The following RARB variants were observed in gnomAD, a reference collection of about 807,000 sequenced individuals.
RARB encodes the protein retinoic acid receptor beta, also known as HBV-activated protein.
In RARB, 17 loss-of-function variants were observed where a neutral mutation model predicts 51.9. The observed-to-expected ratio is 0.33, with a 90% CI of 0.22 to 0.49. The LOEUF (loss-of-function observed/expected upper bound fraction) is 0.49. RARB is among the 20% of genes least tolerant of loss of function. RARB has a pLI of 0.99. For missense variants in RARB, 369 were observed against 550.8 expected, an observed-to-expected ratio of 0.67 and a Z score of 3.30; for synonymous variants, 215 against 195.4, an observed-to-expected ratio of 1.10 and a Z score of -0.84.
chr3:25,164,851 A>G (rs1459975375), intron 4 of RARB, among the ~76,000 whole-genome samples: 4 of 152,174 alleles, frequency 2.6e-5, no homozygotes, highest in Non-Finnish European at 5.9e-5. Context: ...GAGTTCAGGA[A>G]TCTCAGCTGT....
chr3:25,203,253 C>G (rs555664968), intron 5 of RARB, among the ~76,000 whole-genome samples: 1 of 152,090 alleles, frequency 6.6e-6, no homozygotes, highest in South Asian at 2.1e-4. Flanking sequence ...AGGATTGCAA[C>G]CCCTGCCTTT....
chr3:25,392,947 G>A (rs2125488597), intron 5 of RARB, among the ~76,000 whole-genome samples: 1 of 152,196 alleles, frequency 6.6e-6, no homozygotes, highest in African/African-American at 2.4e-5. Context: ...TGGTGAATGT[G>A]TGCATCCTTG....
exon 5 of RARB, chr3:25,174,273 G>A (rs1700699704): frequency 2.7e-6 from 2 of 752,570 alleles, no homozygotes; most frequent in Non-Finnish European, 3.9e-6. Context: ...GAACCATCTT[G>A]ACTTTGGCCC....
intron 5 of RARB, among the ~76,000 whole-genome samples, chr3:25,375,932 C>T (rs190368281): frequency 4.9e-4 from 75 of 152,270 alleles, no homozygotes; most frequent in Admixed American, 1.2e-3. Context: ...GGTTACTGAA[C>T]CTCCCCATGG....
chr3:25,562,657 G>C (rs1700320768), intron 3 of RARB, among the ~76,000 whole-genome samples: 1 of 152,150 alleles, frequency 6.6e-6, no homozygotes, highest in Non-Finnish European at 1.5e-5. Context: ...ATTGAACTTA[G>C]GATATTTCTT....
At chr3:25,208,549 A>G (rs980258299) in intron 5 of RARB, among the ~76,000 whole-genome samples, 6 of 152,126 alleles carry the variant, frequency 3.9e-5, no homozygotes, top group African/African-American at 1.4e-4. Context: ...CATCCTAAAT[A>G]TCAGTGCCAT....
At chr3:25,470,344 T>G (rs1325920608) in intron 2 of RARB, among the ~76,000 whole-genome samples, 1 of 152,176 alleles carries the variant, frequency 6.6e-6, no homozygotes, top group Admixed American at 6.5e-5. Flanking sequence ...TAAATATTCA[T>G]TGGATGGATG....
intron 2 of RARB, among the ~76,000 whole-genome samples, chr3:24,919,756 T>C (rs1575072056): frequency 6.6e-6 from 1 of 152,222 alleles, no homozygotes; most frequent in South Asian, 2.1e-4. Context: ...ACTTCTAATT[T>C]TATTTTTCTT....
At chr3:25,344,957 T>G (rs1705344426) in intron 5 of RARB, among the ~76,000 whole-genome samples, 1 of 132,070 alleles carries the variant, frequency 7.6e-6, no homozygotes, top group Non-Finnish European at 1.6e-5. Flanking sequence ...GTTTGTAAGT[T>G]AAAGTATACA....
At chr3:24,927,297 A>C (rs1295168213) in intron 2 of RARB, among the ~76,000 whole-genome samples, 1 of 152,236 alleles carries the variant, frequency 6.6e-6, no homozygotes, top group Middle Eastern at 3.4e-3. Context: ...GAATGGCTTA[A>C]TTTGTTCTGA....
chr3:25,104,489 A>G (rs1191672696), intron 3 of RARB, among the ~76,000 whole-genome samples: 1 of 152,118 alleles, frequency 6.6e-6, no homozygotes, highest in Non-Finnish European at 1.5e-5. Context: ...CTGAAAATAT[A>G]AAAATTTAGC....
chr3:24,917,448 G>C (rs1302641364), intron 2 of RARB, among the ~76,000 whole-genome samples: 1 of 152,202 alleles, frequency 6.6e-6, no homozygotes, highest in Non-Finnish European at 1.5e-5. Flanking sequence ...GCACAACTCA[G>C]TGATGGACAA....
chr3:25,320,942 G>A (rs189695520), intron 5 of RARB, among the ~76,000 whole-genome samples: 12 of 152,238 alleles, frequency 7.9e-5, no homozygotes, highest in Non-Finnish European at 1.0e-4. Flanking sequence ...AAATTCTGAG[G>A]TATCCACCCA....
chr3:25,444,424 G>A (rs754652535), intron 1 of RARB, among the ~76,000 whole-genome samples: 6 of 152,124 alleles, frequency 3.9e-5, no homozygotes, highest in Non-Finnish European at 8.8e-5. Context: ...TAACAAAATG[G>A]GCAGTTCTTC....
At chr3:24,839,537 A>G (rs1218707025) in intron 1 of RARB, among the ~76,000 whole-genome samples, 1 of 41,744 alleles carries the variant, frequency 2.4e-5, no homozygotes, top group African/African-American at 2.0e-4. Flanking sequence ...CTGTCTCTGA[A>G]AAAAAAAAAA....
intron 5 of RARB, among the ~76,000 whole-genome samples, chr3:25,222,043 G>C (rs1300478674): frequency 2.0e-5 from 3 of 152,156 alleles, no homozygotes; most frequent in Non-Finnish European, 2.9e-5. Context: ...TAATCGGAAC[G>C]AGCTATCACT....
intron 5 of RARB, among the ~76,000 whole-genome samples, chr3:25,273,444 C>T (rs1430527937): frequency 6.6e-6 from 1 of 152,150 alleles, no homozygotes; most frequent in Non-Finnish European, 1.5e-5. Context: ...CGAGTTTCTA[C>T]CCTTTTGCCT....
intron 1 of RARB, among the ~76,000 whole-genome samples, chr3:25,455,876 TAAATA>T (rs2125547904): frequency 6.6e-6 from 1 of 152,224 alleles, no homozygotes; most frequent in South Asian, 2.1e-4. Context: ...GGCAAGGAAA[TAAATA>T]AAAGCAGGAG....
At position 25,207,271 on chromosome 3, in the gene RARB, T is replaced by C. The variant is rs143394613; in HGVS notation, c.178+32696T>C. ...TGAGTCTTTACTGAGAAAATCTCTG[T>C]GATCCTCCCCTGTGCCCATCTACCC... On this transcript the variant is annotated intron_variant, in intron 5 of 11. Transcript: ENST00000383772. Among the ~76,000 whole-genome samples the C allele has an allele frequency of 9.9e-3, 1,499 of 152,144 alleles. 9 individuals are homozygous for C. The highest frequency in any genetic ancestry group is 0.015 in the Non-Finnish European group (1,017 of 67,972).
Sources: gnomAD v4.1 joint callset for allele counts (sites outside exome capture counted in the v4.1 genomes callset) on GRCh38, gnomAD v4.1.1 for gene constraint, MANE v1.5 for transcripts, NCBI Gene and HGNC (gene_info 2026-07-23, HGNC 2026-07-21) for gene names.